CCDC170: variants seen among roughly 807,000 people sequenced by gnomAD.
CCDC170 encodes coiled-coil domain containing 170, also known as coiled-coil domain-containing protein 170.
A neutral mutation model predicts 72.6 loss-of-function variants in CCDC170; 69 were observed. That is an observed-to-expected ratio of 0.95 (90% CI 0.78 to 1.16). The LOEUF (loss-of-function observed/expected upper bound fraction) is 1.16. Among genes scored for constraint, CCDC170 ranks in the 50% most tolerant of loss-of-function variants. The pLI is 0.00. For synonymous variants in CCDC170, 300 were observed against 303.9 expected (o/e 0.99, Z 0.13); for missense variants, 852 against 832.5 (o/e 1.02, Z -0.29).
Position 151,596,524 on chromosome 6 carries a change from C to G in CCDC170, c.1657C>G (p.Arg553Gly), listed in dbSNP as rs370430081. The stretch of plus-strand genomic sequence containing the variant: ...GCTGCAGAAAGAGCTGAACACGTGT[C>G]GAGACTTGCACACCGAGCTCAAAGC... The part of the protein sequence containing the change: ...ERLQKELNTC[R>G]DLHTELKAKL... The change falls in exon 9 of 11, where the codon CGA becomes GGA. Residue 553 changes from arginine (R) to glycine (G), a missense_variant. Physicochemically the swap from Arg to Gly is moderately radical, Grantham distance 125. Coordinates refer to ENST00000239374, the MANE Select transcript of CCDC170 (RefSeq NM_025059.4). 5.0e-6 allele frequency: 8 copies of G among 1,613,930 alleles called. No homozygotes were observed. Among genetic ancestry groups the G allele is most frequent in the Non-Finnish European group, 6.8e-6 (8 of 1,180,024 alleles).
At chr6:151,513,879 C>T (rs1320659819) in intron 1 of CCDC170, among the ~76,000 whole-genome samples, 1 of 143,534 alleles carries the variant, frequency 7.0e-6, no homozygotes, top group Non-Finnish European at 1.5e-5. Flanking sequence ...AAGATCATGC[C>T]ACTGCACTCC....
chr6:151,530,180 A>AT (rs1342270036), intron 1 of CCDC170, among the ~76,000 whole-genome samples: 1 of 151,826 alleles, frequency 6.6e-6, no homozygotes, highest in South Asian at 2.1e-4. Flanking sequence ...GCTATGGCAG[A>AT]TTTTTTGAAA....
At chr6:151,515,258 A>G (rs1782217938) in intron 1 of CCDC170, among the ~76,000 whole-genome samples, 1 of 152,252 alleles carries the variant, frequency 6.6e-6, no homozygotes, top group African/African-American at 2.4e-5. Context: ...TAAATCAAAA[A>G]GTATCTGAGA....
At chr6:151,569,424 C>T (rs12198281) in intron 5 of CCDC170, among the ~76,000 whole-genome samples, 11,548 of 152,216 alleles carry the variant, frequency 0.076, 550 homozygotes, top group Non-Finnish European at 0.11. Context: ...TTACATTTGT[C>T]GCTTCAGTCA....
intron 9 of CCDC170, among the ~76,000 whole-genome samples, chr6:151,610,794 C>T (rs775131991): frequency 2.0e-5 from 3 of 152,236 alleles, no homozygotes; most frequent in African/African-American, 4.8e-5. Context: ...ATATTTTTCA[C>T]TGGCTCTGTT....
At chr6:151,570,406 A>T (rs1193804585) in intron 5 of CCDC170, among the ~76,000 whole-genome samples, 1 of 152,210 alleles carries the variant, frequency 6.6e-6, no homozygotes, top group African/African-American at 2.4e-5. Flanking sequence ...AACTATAGAT[A>T]AAAAAATATG....
intron 1 of CCDC170, among the ~76,000 whole-genome samples, chr6:151,495,576 C>T (rs1459525365): frequency 1.3e-5 from 2 of 152,036 alleles, no homozygotes; most frequent in African/African-American, 2.4e-5. Context: ...GGCTCGCCGC[C>T]GCCTTGACAC....
At chr6:151,516,458 G>A (rs1010305334) in intron 1 of CCDC170, among the ~76,000 whole-genome samples, 2 of 152,176 alleles carry the variant, frequency 1.3e-5, no homozygotes, top group African/African-American at 2.4e-5. Context: ...ATGAATGGGT[G>A]TGTTGTAACT....
rs1157871128 is a variant in CCDC170, at chr6:151,573,605, T to C, written c.1092+114T>C. 6 of 1,011,420 alleles carry C rather than the reference T, an allele frequency of 5.9e-6. No homozygotes were observed. The East Asian group carries it at 1.3e-4, about 22-fold the overall frequency. 62.7% of individuals were successfully genotyped at this position (1,011,420 alleles called of 1,614,324 possible). On this transcript the variant is annotated intron_variant, in intron 6 of 10. Transcript: ENST00000239374. ...CGCTGCTATAAGAAATACCCGAGAC[T>C]GGGTAATTTATAAAGACAAAGAGGT...
intron 1 of CCDC170, among the ~76,000 whole-genome samples, chr6:151,500,454 A>T (rs1265370655): frequency 6.6e-6 from 1 of 152,046 alleles, no homozygotes; most frequent in Non-Finnish European, 1.5e-5. Context: ...TAATTATGAT[A>T]AATATATATG....
chr6:151,547,915 T>C lies in CCDC170; in HGVS notation c.589-389T>C, dbSNP rs576781765. ...AAAGCATGGCCGTGTGTTCTCTGTA[T>C]TTCCTCCAGTGCCACATGGTGACTT... On this transcript the variant is annotated intron_variant, in intron 4 of 10. Coordinates refer to ENST00000239374, the MANE Select transcript of CCDC170 (RefSeq NM_025059.4). 4.0e-4 allele frequency among the ~76,000 whole-genome samples: 61 copies of C among 152,358 alleles called. No homozygotes were observed. The South Asian group carries it at 0.011, about 27-fold the overall frequency.
chr6:151,536,406 T>A lies in CCDC170; in HGVS notation c.146T>A (p.Leu49His), dbSNP rs1293033839. The A allele has an allele frequency of 6.2e-7, 1 of 1,614,124 alleles. No individual in the cohort carries two copies. Among genetic ancestry groups the A allele is most frequent in the South Asian group, 1.1e-5 (1 of 91,080 alleles). Reference sequence around the variant, plus strand: ...GTGGCTCAAAATGCTCGAAGTGAACTTGCAGCAACTTTGGTCAAATTTGAA... The same window carrying A: ...GTGGCTCAAAATGCTCGAAGTGAACATGCAGCAACTTTGGTCAAATTTGAA... ...RNVAQNARSE[L>H]AATLVKFECA... Residue 49 changes from leucine (L) to histidine (H), a missense_variant, in exon 2 of 11, where the codon CTT (leucine) becomes CAT (histidine). Coordinates refer to ENST00000239374, the MANE Select transcript of CCDC170 (RefSeq NM_025059.4).
intron 1 of CCDC170, among the ~76,000 whole-genome samples, chr6:151,505,023 T>C (rs1265869537): frequency 1.3e-5 from 2 of 151,942 alleles, no homozygotes; most frequent in East Asian, 3.9e-4. Context: ...AGTAAGTGAT[T>C]TGTGTGTCAA....
At chr6:151,523,384 A>T (rs1158740687) in intron 1 of CCDC170, among the ~76,000 whole-genome samples, 16 of 152,022 alleles carry the variant, frequency 1.1e-4, no homozygotes, top group Admixed American at 9.8e-4. Flanking sequence ...TAAAAGTATT[A>T]AAAAAAATTG....
intron 5 of CCDC170, among the ~76,000 whole-genome samples, chr6:151,569,632 C>T (rs951972086): frequency 6.6e-6 from 1 of 152,166 alleles, no homozygotes; most frequent in African/African-American, 2.4e-5. Context: ...ACTGATGTCA[C>T]ATTATTTTAT....
At chr6:151,608,827 C>T (rs945233713) in intron 9 of CCDC170, among the ~76,000 whole-genome samples, 1 of 152,168 alleles carries the variant, frequency 6.6e-6, no homozygotes, top group African/African-American at 2.4e-5. Flanking sequence ...AGTGAGTTTG[C>T]CTCAGCATAA....
At position 151,548,499 on chromosome 6, in the gene CCDC170, G is replaced by T. The variant is rs1256388236; in HGVS notation, c.774+10G>T. On this transcript the variant is annotated intron_variant, in intron 5 of 10. Transcript: ENST00000239374. ...AGAGAAGCTGAACCAGGTATGATAT[G>T]TGAAGTATACGTGTGCATCTGGGAC... is the stretch of plus-strand genomic sequence containing the variant. 2 of 1,563,656 alleles carry T rather than the reference G, an allele frequency of 1.3e-6. No individual in the cohort carries two copies. Among genetic ancestry groups the T allele is most frequent in the Middle Eastern group, 1.7e-4 (1 of 5,790 alleles).
chr6:151,556,080 C>T (rs1782969061), intron 5 of CCDC170, among the ~76,000 whole-genome samples: 1 of 151,944 alleles, frequency 6.6e-6, no homozygotes, highest in Non-Finnish European at 1.5e-5. Flanking sequence ...ATCTCCATCT[C>T]TATAATAAAA....
rs371113360 is a variant in CCDC170 at position 151,572,669 on chromosome 6, TG to T, written c.775-504del. 6.8e-4 allele frequency among the ~76,000 whole-genome samples: 97 copies of T among 142,642 alleles called. 1 individual carries two copies. Among genetic ancestry groups the T allele is most frequent in the African/African-American group, 2.2e-3 (86 of 38,596 alleles). The allele number at this position is 142,642 out of a possible 152,430, so 93.6% of individuals were successfully genotyped here. On this transcript the variant is annotated intron_variant, in intron 5 of 10. Transcript: ENST00000239374. ...TCTGTGTTTTTTTTTTTTTTTTTTT[TG>T]ATGGAGTCTTGTTCTGTTGCCCAGG...
Sources: allele counts gnomAD v4.1 joint callset (sites outside exome capture counted in the v4.1 genomes callset), GRCh38; gene constraint gnomAD v4.1.1; transcripts MANE v1.5; gene names NCBI Gene and HGNC (gene_info 2026-07-23, HGNC 2026-07-21).